Variants in EPB41L3 observed in about 807,000 individuals in gnomAD.
EPB41L3 encodes the protein erythrocyte membrane protein band 4.1 like 3, also known as band 4.1-like protein 3.
EPB41L3 carries 57 observed loss-of-function variants against 127.1 expected under a neutral mutation model. That is an observed-to-expected ratio of 0.45 (90% confidence interval 0.36 to 0.56). The LOEUF is 0.56. EPB41L3 is among the 20% of genes least tolerant of loss of function. The pLI is 0.00. For synonymous variants in EPB41L3, 572 were observed against 549.5 expected (o/e 1.04, Z -0.57); for missense variants, 1,273 against 1,372.2 (o/e 0.93, Z 1.14).
intron 3 of EPB41L3, among the ~76,000 whole-genome samples, chr18:5,601,465 G>A (rs538701281): frequency 6.6e-6 from 1 of 152,292 alleles, no homozygotes; most frequent in African/African-American, 2.4e-5. Context: ...ATAGCCTGCA[G>A]GGATCTGTCA....
chr18:5,524,652 T>C (rs1009253205), intron 1 of EPB41L3, among the ~76,000 whole-genome samples: 3 of 152,208 alleles, frequency 2.0e-5, no homozygotes, highest in South Asian at 2.1e-4. Flanking sequence ...ATTCAATCTC[T>C]CTTCTTGGCA....
intron 1 of EPB41L3, among the ~76,000 whole-genome samples, chr18:5,541,487 CTATAT>C (rs2093729826): frequency 7.0e-6 from 1 of 143,290 alleles, no homozygotes; most frequent in African/African-American, 2.8e-5. Flanking sequence ...ATCTAATATA[CTATAT>C]AAGTCCAGAA....
chr18:5,604,720 C>T (rs2094630386), intron 3 of EPB41L3, among the ~76,000 whole-genome samples: 1 of 152,146 alleles, frequency 6.6e-6, no homozygotes, highest in African/African-American at 2.4e-5. Context: ...TCCCAAAGTA[C>T]TGGGATTATA....
intron 2 of EPB41L3, among the ~76,000 whole-genome samples, 184 bp from the exon 3 acceptor site, chr18:5,478,622 T>C (rs555437240): frequency 6.6e-6 from 1 of 152,364 alleles, no homozygotes; most frequent in African/African-American, 2.4e-5. Flanking sequence ...GCCATTTAAA[T>C]GTATCAATAA....
chr18:5,424,297 T>C lies in EPB41L3; in HGVS notation c.1128A>G (p.Leu376=), dbSNP rs754168049. The C allele has an allele frequency of 1.2e-5, 19 of 1,608,278 alleles. No individual in the cohort carries two copies. Among genetic ancestry groups the C allele is most frequent in the Non-Finnish European group, 1.4e-5 (16 of 1,177,464 alleles). ...TATGATGCTCAACACATACTTTCCA[T>C]AAACGCTTGGCAGCTCGATGGTTTG... ...KLPNHRAAKR[L]WKVCVEHHTF... The change falls in exon 10 of 23, where the codon TTA becomes TTG. Residue 376 remains leucine, a synonymous_variant. Coordinates refer to ENST00000341928, the MANE Select transcript of EPB41L3 (RefSeq NM_012307.5).
Position 5,478,408 on chromosome 18 carries a change from T to G in EPB41L3, c.214A>C (p.Arg72=). 1 of 1,614,208 alleles carries G rather than the reference T, an allele frequency of 6.2e-7. No homozygotes were observed. Among genetic ancestry groups the G allele is most frequent in the Non-Finnish European group, 8.5e-7 (1 of 1,180,024 alleles). The part of the protein sequence containing the change: ...VTDKEQEFAA[R]AAKQLEYQQL... ...TGATATTCGAGCTGTTTTGCAGCCC[T>G]GGCAGCAAACTCCTGTTCCTTGTCA... is the stretch of plus-strand genomic sequence containing the variant. The change falls in exon 3 of 23, where the codon AGG becomes CGG. Residue 72 remains arginine, a synonymous_variant. Coordinates refer to ENST00000341928, the MANE Select transcript of EPB41L3 (RefSeq NM_012307.5).
intron 1 of EPB41L3, among the ~76,000 whole-genome samples, chr18:5,518,884 A>G (rs2092867285): frequency 6.6e-6 from 1 of 152,168 alleles, no homozygotes. Flanking sequence ...ACGCAAATTA[A>G]AAGATTTGGG....
At chr18:5,427,833 C>T (rs971397427) in intron 9 of EPB41L3, among the ~76,000 whole-genome samples, 2 of 152,032 alleles carry the variant, frequency 1.3e-5, no homozygotes, top group African/African-American at 4.8e-5. Context: ...GCAAGCTCCG[C>T]CCCCTGGGTT....
chr18:5,518,462 C>T (rs1411501755), intron 1 of EPB41L3: 1 of 152,630 alleles, frequency 6.6e-6, no homozygotes, highest in Non-Finnish European at 1.5e-5. Context: ...TCATTCTGCC[C>T]CATAACTCCT....
intron 1 of EPB41L3, among the ~76,000 whole-genome samples, chr18:5,620,464 G>T (rs1411907073): frequency 3.9e-5 from 6 of 152,136 alleles, no homozygotes; most frequent in Non-Finnish European, 7.3e-5. Context: ...TTTGGCAACT[G>T]GGTCACACAT....
chr18:5,629,224 G>C (rs2094959172), upstream of EPB41L3, among the ~76,000 whole-genome samples: 1 of 152,072 alleles, frequency 6.6e-6, no homozygotes, highest in South Asian at 2.1e-4. Flanking sequence ...TTTAATCCTG[G>C]GATTCCGCGT....
At chr18:5,503,162 AT>A (rs1357877585) in intron 1 of EPB41L3, among the ~76,000 whole-genome samples, 1 of 152,164 alleles carries the variant, frequency 6.6e-6, no homozygotes, top group Admixed American at 6.5e-5. Flanking sequence ...TTTTTTTAAA[AT>A]ACTCTTTTGG....
intron 3 of EPB41L3, among the ~76,000 whole-genome samples, chr18:5,446,583 C>T (rs1322043009): frequency 1.3e-5 from 2 of 152,264 alleles, no homozygotes; most frequent in African/African-American, 4.8e-5. Context: ...TATGTCTATG[C>T]CAAAATAATA....
chr18:5,561,122 C>A (rs559579204), intron 3 of EPB41L3, among the ~76,000 whole-genome samples: 1 of 149,176 alleles, frequency 6.7e-6, no homozygotes, highest in Non-Finnish European at 1.5e-5. Context: ...GGACTACAGG[C>A]GCCCGCCACT....
At chr18:5,565,548 G>A (rs1325639941) in intron 3 of EPB41L3, among the ~76,000 whole-genome samples, 1 of 151,108 alleles carries the variant, frequency 6.6e-6, no homozygotes, top group Non-Finnish European at 1.5e-5. Context: ...TTGGTGTGCT[G>A]CACCCATTAA....
chr18:5,418,599 C>T (rs1279552130), intron 12 of EPB41L3, among the ~76,000 whole-genome samples: 2 of 152,190 alleles, frequency 1.3e-5, no homozygotes, highest in African/African-American at 2.4e-5. Flanking sequence ...CACATTTTAA[C>T]AGCAAAAGTT....
intron 3 of EPB41L3, among the ~76,000 whole-genome samples, chr18:5,587,935 G>GGT (rs2094454371): frequency 6.6e-6 from 1 of 152,048 alleles, no homozygotes; most frequent in Admixed American, 6.6e-5. Context: ...AATCCCTTAA[G>GGT]ATAATACCTA....
chr18:5,424,188 T>C (rs1043567349), intron 10 of EPB41L3, 74 bp downstream of exon 10: 3 of 1,050,944 alleles, frequency 2.9e-6, no homozygotes, highest in Non-Finnish European at 2.7e-6. Flanking sequence ...TTCCATATTT[T>C]TTATTGACAA....
At chr18:5,610,701 CAA>C (rs2094715548) in intron 3 of EPB41L3, among the ~76,000 whole-genome samples, 1 of 121,960 alleles carries the variant, frequency 8.2e-6, no homozygotes, top group Admixed American at 9.5e-5. Context: ...TACACACTCA[CAA>C]AGAATATAAA....
Sources: allele counts gnomAD v4.1 joint callset (sites outside exome capture counted in the v4.1 genomes callset), GRCh38; gene constraint gnomAD v4.1.1; transcripts MANE v1.5; gene names NCBI Gene and HGNC (gene_info 2026-07-23, HGNC 2026-07-21).